The following FAM81A variants were observed in gnomAD, a reference collection of about 807,000 sequenced individuals.
The protein encoded by FAM81A is protein FAM81A.
In FAM81A, 19 loss-of-function variants were observed where a neutral mutation model predicts 46.7. That is an observed-to-expected ratio of 0.41 (90% confidence interval 0.28 to 0.60). The LOEUF (loss-of-function observed/expected upper bound fraction) is 0.60. Among genes scored for constraint, FAM81A ranks in the 20% least tolerant of loss-of-function variants. The probability of loss-of-function intolerance (pLI) is 0.34; values close to 1 mark genes in which losing one functional copy is unlikely to be tolerated. For synonymous variants in FAM81A, 183 were observed against 152.9 expected (o/e 1.20, Z -1.45); for missense variants, 377 against 453.5 (o/e 0.83, Z 1.53).
intron 3 of FAM81A, among the ~76,000 whole-genome samples, chr15:59,464,463 T>C (rs7179571): frequency 0.78 from 119,268 of 152,178 alleles, 47,013 homozygotes; most frequent in African/African-American, 0.86. Flanking sequence ...CTTTTCTCTG[T>C]ATCCTTGCCA....
At chr15:59,417,878 C>T (rs910042541) in intron 2 of FAM81A, among the ~76,000 whole-genome samples, 1 of 151,914 alleles carries the variant, frequency 6.6e-6, no homozygotes, top group Non-Finnish European at 1.5e-5. Flanking sequence ...CCCATTAACT[C>T]GTCATTTACA....
chr15:59,490,127 AAACTT>A (rs1287028166), intron 3 of FAM81A, among the ~76,000 whole-genome samples: 2 of 152,184 alleles, frequency 1.3e-5, no homozygotes, highest in Admixed American at 6.6e-5. Flanking sequence ...GAAAAAAAAA[AAACTT>A]AAATCTAAGA....
intron 3 of FAM81A, among the ~76,000 whole-genome samples, chr15:59,465,232 G>A (rs2081598247): frequency 6.6e-6 from 1 of 152,116 alleles, no homozygotes; most frequent in Non-Finnish European, 1.5e-5. Context: ...AGTATATTTT[G>A]AGGTCTGGTA....
intron 2 of FAM81A, among the ~76,000 whole-genome samples, chr15:59,432,001 T>A (rs1429338000): frequency 6.6e-6 from 1 of 152,344 alleles, no homozygotes; most frequent in South Asian, 2.1e-4. Context: ...TATACCTATT[T>A]ATCTCTTTAA....
At chr15:59,509,343 G>T (rs2082180808) in intron 6 of FAM81A, among the ~76,000 whole-genome samples, 1 of 152,174 alleles carries the variant, frequency 6.6e-6, no homozygotes, top group African/African-American at 2.4e-5. Context: ...GGTGGTAAGT[G>T]CGTTGAAGGT....
At chr15:59,467,646 A>G (rs1292451749) in intron 3 of FAM81A, among the ~76,000 whole-genome samples, 1 of 152,218 alleles carries the variant, frequency 6.6e-6, no homozygotes, top group Middle Eastern at 3.2e-3. Context: ...CAATCATGTC[A>G]TCTGCAAACA....
At chr15:59,456,676 A>G (rs978790789) in intron 1 of FAM81A, among the ~76,000 whole-genome samples, 2 of 152,192 alleles carry the variant, frequency 1.3e-5, no homozygotes, top group East Asian at 3.9e-4. Flanking sequence ...CCCTGGGCTC[A>G]GGTGATCCTC....
chr15:59,516,607 T>C (rs1206481312), intron 7 of FAM81A, 38 bp from the exon 8 acceptor site: 8 of 1,578,628 alleles, frequency 5.1e-6, no homozygotes, highest in Non-Finnish European at 6.8e-6. Context: ...AGATTTCTTT[T>C]TGGAGTGATT....
At position 59,401,418 on chromosome 15, in the gene FAM81A, G is replaced by A. The variant is rs534790925; in HGVS notation, c.-160-858G>A. The A allele has an allele frequency of 2.2e-5, 18 of 801,738 alleles. No homozygotes were observed. The South Asian group carries it at 2.4e-4, about 11-fold the overall frequency. The allele number at this position is 801,738 out of a possible 1,614,324, so 49.7% of individuals were successfully genotyped here. ...GGGTTCTTCTTTACACCAAATATTG[G>A]TAGGCAAAAGGTGACTTTCAGTTCA... On this transcript the variant is annotated intron_variant, in intron 1 of 4. Coordinates refer to the FAM81A transcript ENST00000558348.
At chr15:59,432,228 C>T (rs1413284278) in intron 2 of FAM81A, among the ~76,000 whole-genome samples, 1 of 152,174 alleles carries the variant, frequency 6.6e-6, no homozygotes, top group Non-Finnish European at 1.5e-5. Flanking sequence ...ATGTTTGGCT[C>T]TGTGTATTTT....
intron 2 of FAM81A, among the ~76,000 whole-genome samples, chr15:59,409,297 C>T (rs769213891): frequency 1.3e-5 from 2 of 152,144 alleles, no homozygotes; most frequent in Admixed American, 6.6e-5. Flanking sequence ...TGCCTTTCTC[C>T]GGGACAGTCA....
chr15:59,502,595 T>G (rs1375507324), intron 4 of FAM81A, among the ~76,000 whole-genome samples: 1 of 151,602 alleles, frequency 6.6e-6, no homozygotes, highest in Admixed American at 6.6e-5. Flanking sequence ...CTCACTGCAA[T>G]CTCTGCCTCC....
Position 59,460,132 on chromosome 15 carries a change from T to C in FAM81A, c.220T>C (p.Leu74=). The C allele has an allele frequency of 2.5e-6, 4 of 1,613,986 alleles. No individual in the cohort carries two copies. Among genetic ancestry groups the C allele is most frequent in the Non-Finnish European group, 2.5e-6 (3 of 1,179,886 alleles). The change falls in exon 3 of 9, where the codon TTG becomes CTG. Residue 74 remains leucine, a synonymous_variant. Coordinates refer to ENST00000288228, the MANE Select transcript of FAM81A (RefSeq NM_152450.3). This position sits in a 1 kb window ranked among gnomAD's most constrained non-coding sequence, Gnocchi z 4.4. The stretch of plus-strand genomic sequence containing the variant: ...GCAAAACAAAGGGGGAGGTGACCGC[T>C]TGGCCAGGCTTTTCTTGGAGGAGCA... ...KMQNKGGGDR[L]ARLFLEEHIR...
At chr15:59,420,224 T>C (rs993526607) in intron 2 of FAM81A, among the ~76,000 whole-genome samples, 2 of 152,224 alleles carry the variant, frequency 1.3e-5, no homozygotes, top group African/African-American at 2.4e-5. Context: ...ATGCAGCTTC[T>C]AGCGCTGATT....
intron 2 of FAM81A, among the ~76,000 whole-genome samples, chr15:59,418,869 A>T (rs1264029674): frequency 6.6e-6 from 1 of 152,192 alleles, no homozygotes; most frequent in Non-Finnish European, 1.5e-5. Context: ...TAGCAAGGGC[A>T]TGTGTGCAGA....
At chr15:59,495,608 G>A (rs2082024924) in intron 4 of FAM81A, among the ~76,000 whole-genome samples, 1 of 152,194 alleles carries the variant, frequency 6.6e-6, no homozygotes, top group South Asian at 2.1e-4. Context: ...ACTGTTTGCC[G>A]AAGTGGCCGC....
At chr15:59,468,960 G>A (rs776105367) in intron 3 of FAM81A, among the ~76,000 whole-genome samples, 19 of 152,064 alleles carry the variant, frequency 1.2e-4, no homozygotes, top group Admixed American at 2.6e-4. Context: ...CCTTCATTTT[G>A]TTATGTACCC....
intron 3 of FAM81A, among the ~76,000 whole-genome samples, chr15:59,480,111 G>C (rs1431372176): frequency 1.3e-5 from 2 of 152,172 alleles, no homozygotes; most frequent in Non-Finnish European, 2.9e-5. Context: ...AGGACTTCCT[G>C]CCTATTGGAG....
At chr15:59,461,745 G>A (rs1326357067) in intron 3 of FAM81A, among the ~76,000 whole-genome samples, 4 of 152,160 alleles carry the variant, frequency 2.6e-5, no homozygotes, top group Non-Finnish European at 5.9e-5. Context: ...AACCATTCAT[G>A]AACTGATGGG....
Sources: allele counts gnomAD v4.1 joint callset (sites outside exome capture counted in the v4.1 genomes callset), GRCh38; gene constraint gnomAD v4.1.1; non-coding constraint Gnocchi (gnomAD v3.1); transcripts MANE v1.5; gene names NCBI Gene and HGNC (gene_info 2026-07-23, HGNC 2026-07-21).